The following SPAG16 variants were observed in gnomAD, a reference collection of about 807,000 sequenced individuals.
SPAG16 encodes sperm-associated antigen 16 protein.
In SPAG16, 86 loss-of-function variants were observed where a neutral mutation model predicts 80.4. The ratio of observed to expected loss-of-function variants is 1.07; its 90% confidence interval spans 0.90 to 1.28. The LOEUF is 1.28. Ranked by LOEUF, SPAG16 falls within the 50% of genes most tolerant of loss-of-function variation. The pLI, the probability that SPAG16 is intolerant of heterozygous loss-of-function variation, is 0.00. For missense variants in SPAG16, 870 were observed against 765.3 expected (o/e 1.14, Z -1.61); for synonymous variants, 294 against 265.9 (o/e 1.11, Z -1.03).
intron 15 of SPAG16, among the ~76,000 whole-genome samples, chr2:214,183,881 G>C (rs1042991155): frequency 5.3e-5 from 8 of 152,082 alleles, no homozygotes; most frequent in Admixed American, 5.3e-4. Context: ...ACAAGTGGTT[G>C]AGGCAAATTT....
At chr2:214,339,522 T>G (rs1227244322) in intron 15 of SPAG16, among the ~76,000 whole-genome samples, 1 of 152,210 alleles carries the variant, frequency 6.6e-6, no homozygotes, top group Non-Finnish European at 1.5e-5. Context: ...TCCTAGGGAA[T>G]GTTTGATAGA....
chr2:214,285,599 C>T (rs150690555), intron 15 of SPAG16, among the ~76,000 whole-genome samples: 196 of 152,072 alleles, frequency 1.3e-3, no homozygotes, highest in African/African-American at 4.6e-3. Context: ...ACAAGGAGTT[C>T]GAGACCAGCC....
chr2:214,044,043 T>G (rs2049178379), intron 13 of SPAG16, among the ~76,000 whole-genome samples: 1 of 152,068 alleles, frequency 6.6e-6, no homozygotes, highest in Non-Finnish European at 1.5e-5. Flanking sequence ...AATTATATAT[T>G]ATTGTCTTAT....
intron 15 of SPAG16, among the ~76,000 whole-genome samples, chr2:214,149,642 G>T (rs1010656708): frequency 3.3e-5 from 5 of 151,920 alleles, no homozygotes; most frequent in Non-Finnish European, 7.4e-5. Flanking sequence ...TAGCAAAAAT[G>T]AACCTGAAAT....
At chr2:213,597,595 C>T (rs1182137053) in intron 10 of SPAG16, among the ~76,000 whole-genome samples, 1 of 151,684 alleles carries the variant, frequency 6.6e-6, no homozygotes, top group Non-Finnish European at 1.5e-5. Flanking sequence ...TCTTTTTTTG[C>T]TCAAGTTAAT....
intron 10 of SPAG16, among the ~76,000 whole-genome samples, chr2:213,802,390 C>T (rs1469617805): frequency 7.3e-6 from 1 of 136,248 alleles, no homozygotes; most frequent in Non-Finnish European, 1.6e-5. Context: ...CCAAATGATT[C>T]ATGTCTCTAT....
chr2:214,273,062 AT>A (rs1473611753), intron 15 of SPAG16, among the ~76,000 whole-genome samples: 1 of 152,046 alleles, frequency 6.6e-6, no homozygotes, highest in African/African-American at 2.4e-5. Flanking sequence ...GCATTTTTTC[AT>A]GTGTCTTTTG....
chr2:213,455,449 C>T lies in SPAG16; in HGVS notation c.943-34514C>T, dbSNP rs376129284. Among the ~76,000 whole-genome samples the T allele has an allele frequency of 2.3e-4, 35 of 152,256 alleles. No individual in the cohort carries two copies. The East Asian group carries it at 6.2e-3, about 27-fold the overall frequency. ...TCTTGAAACAAGCCAGGCATGGACA[C>T]CCGAAATTCCAGAGATTACCTCAAG... On this transcript the variant is annotated intron_variant, in intron 9 of 15. Transcript: ENST00000331683.
intron 9 of SPAG16, among the ~76,000 whole-genome samples, chr2:213,410,892 C>T (rs773953869): frequency 5.9e-5 from 9 of 152,184 alleles, no homozygotes; most frequent in African/African-American, 1.4e-4. Flanking sequence ...TCCTGAAGTC[C>T]GGCACCCTGC....
chr2:214,328,376 C>T (rs1576792348), intron 15 of SPAG16, among the ~76,000 whole-genome samples: 1 of 152,206 alleles, frequency 6.6e-6, no homozygotes, highest in African/African-American at 2.4e-5. Context: ...TTGGCCAGGT[C>T]GGTCTCGAAC....
intron 10 of SPAG16, among the ~76,000 whole-genome samples, chr2:213,603,662 C>A (rs1317904437): frequency 6.6e-6 from 1 of 152,074 alleles, no homozygotes; most frequent in Non-Finnish European, 1.5e-5. Context: ...AGATAGAAAT[C>A]GAATAAACTA....
At chr2:213,824,823 G>A (rs1035536635) in intron 10 of SPAG16, among the ~76,000 whole-genome samples, 15 of 151,878 alleles carry the variant, frequency 9.9e-5, no homozygotes, top group African/African-American at 2.9e-4. Context: ...GATTTCTTTG[G>A]GTAATATGGA....
intron 12 of SPAG16, among the ~76,000 whole-genome samples, chr2:213,980,725 T>TATATATATATATATATATAG (rs374274176): frequency 2.0e-3 from 204 of 103,932 alleles, no homozygotes; most frequent in Non-Finnish European, 2.8e-3. Flanking sequence ...TATATATATA[T>TATATATATATATATATATAG]AGAGAGAGAG....
At chr2:213,629,966 C>G (rs534217059) in intron 10 of SPAG16, among the ~76,000 whole-genome samples, 10 of 152,334 alleles carry the variant, frequency 6.6e-5, no homozygotes, top group Admixed American at 2.0e-4. Flanking sequence ...TCCCTCCAGC[C>G]TAGGCGTGTT....
intron 13 of SPAG16, among the ~76,000 whole-genome samples, chr2:214,049,353 CTA>C (rs972851528): frequency 1.3e-5 from 2 of 152,072 alleles, no homozygotes; most frequent in African/African-American, 4.8e-5. Context: ...ATTACCCAGA[CTA>C]TAAACATGAA....
At chr2:213,562,928 T>C (rs1394985753) in intron 10 of SPAG16, among the ~76,000 whole-genome samples, 2 of 152,212 alleles carry the variant, frequency 1.3e-5, no homozygotes, top group Admixed American at 1.3e-4. Context: ...ATACCATTCA[T>C]GAGGGCTCTG....
At chr2:213,729,952 T>G (rs1834777) in intron 10 of SPAG16, among the ~76,000 whole-genome samples, 140,784 of 152,240 alleles carry the variant, frequency 0.92, 66,136 homozygotes, top group East Asian at 1. Context: ...CTTTTGTAAA[T>G]TAAACAAAAT....
chr2:213,309,806 A>G (rs1425315526), intron 3 of SPAG16, among the ~76,000 whole-genome samples: 1 of 152,036 alleles, frequency 6.6e-6, no homozygotes, highest in Non-Finnish European at 1.5e-5. Flanking sequence ...CATCTGTCAT[A>G]GTATATGTTT....
chr2:214,108,536 C>A (rs571390625), intron 14 of SPAG16, among the ~76,000 whole-genome samples: 1 of 151,212 alleles, frequency 6.6e-6, no homozygotes, highest in East Asian at 2.0e-4. Flanking sequence ...CTGTAGTCAA[C>A]TTTACTTAAA....
Sources: allele counts gnomAD v4.1 joint callset (sites outside exome capture counted in the v4.1 genomes callset), GRCh38; gene constraint gnomAD v4.1.1; transcripts MANE v1.5; gene names NCBI Gene and HGNC (gene_info 2026-07-23, HGNC 2026-07-21).